Variants in XG observed in about 807,000 individuals in gnomAD.
XG encodes glycoprotein Xg.
A neutral mutation model predicts 25.7 loss-of-function variants in XG; 24 were observed. The ratio of observed to expected loss-of-function variants is 0.93; its 90% CI spans 0.68 to 1.31. XG has a LOEUF of 1.31. Among genes scored for constraint, XG ranks in the 40% most tolerant of loss-of-function variants. The probability of loss-of-function intolerance (pLI) is 0.00; values close to 1 mark genes in which losing one functional copy is unlikely to be tolerated. For missense variants in XG, 181 were observed against 187.6 expected (o/e 0.96, Z 0.21); for synonymous variants, 77 against 69.2 (o/e 1.11, Z -0.56).
intron 8 of XG, 133 bp from the exon 9 acceptor site, chrX:2,808,052 C>G (rs767275651): frequency 1.0e-5 from 7 of 701,548 alleles, no homozygotes; most frequent in Middle Eastern, 3.0e-4. Flanking sequence ...CCCCTCCCCC[C>G]ACAAGAATGT....
chrX:2,757,720 C>G (rs1160118753), intron 1 of XG, among the ~76,000 whole-genome samples: 1 of 151,578 alleles, frequency 6.6e-6, no homozygotes, highest in African/African-American at 2.4e-5. Flanking sequence ...GTTTGTAATC[C>G]CAGCAGTTTG....
chrX:2,783,165 C>A (rs1172816984), intron 4 of XG, among the ~76,000 whole-genome samples: 1 of 111,531 alleles, frequency 9.0e-6, no homozygotes, highest in Admixed American at 9.5e-5. Context: ...TTTCAGTGCT[C>A]CAAATACCTT....
intron 1 of XG, among the ~76,000 whole-genome samples, chrX:2,756,732 G>A (rs2050443754): frequency 6.6e-6 from 1 of 152,162 alleles, no homozygotes; most frequent in African/African-American, 2.4e-5. Context: ...TGCAACAGGG[G>A]TGTGTTTGAT....
intron 1 of XG, among the ~76,000 whole-genome samples, chrX:2,769,022 C>G (rs777884616): frequency 3.9e-5 from 6 of 152,282 alleles, no homozygotes; most frequent in African/African-American, 9.6e-5. Flanking sequence ...ACCCTGGGCT[C>G]AGAGTTCCCC....
chrX:2,783,948 C>T (rs1017160466), intron 4 of XG, among the ~76,000 whole-genome samples: 6 of 111,703 alleles, frequency 5.4e-5, no homozygotes, highest in Non-Finnish European at 9.4e-5. Flanking sequence ...GCACTCCAGC[C>T]GGGGAACAGA....
intron 1 of XG, among the ~76,000 whole-genome samples, chrX:2,753,983 C>A (rs1471254969): frequency 6.6e-6 from 1 of 152,142 alleles, no homozygotes; most frequent in Non-Finnish European, 1.5e-5. Flanking sequence ...TTTGTCCATC[C>A]GTTGGCTGAT....
chrX:2,775,468 C>T (rs2050957569), intron 3 of XG, among the ~76,000 whole-genome samples: 1 of 152,078 alleles, frequency 6.6e-6, no homozygotes, highest in Non-Finnish European at 1.5e-5. Flanking sequence ...CTGCCAGGGG[C>T]TGGAGGGGAA....
chrX:2,782,523 G>T (rs894240149), intron 4 of XG, among the ~76,000 whole-genome samples: 1 of 111,503 alleles, frequency 9.0e-6, no homozygotes, highest in Admixed American at 9.5e-5. Flanking sequence ...GGGTTGTTAA[G>T]GATAAGTTGG....
rs373555878 is a variant in XG at position 2,792,675 on chromosome X, C to T, written c.254-1860C>T. Among the ~76,000 whole-genome samples, 26 of 108,037 alleles carry T rather than the reference C, an allele frequency of 2.4e-4. 1 individual carries two copies. In the South Asian group the frequency reaches 5.4e-3, roughly 22 times the overall value. 93.8% of individuals were successfully genotyped at this position (108,037 alleles called of 115,157 possible). On this transcript the variant is annotated intron_variant, in intron 5 of 10. Transcript: ENST00000644266. ...TTGACCTCTCAAAGTGCTGGGATTACAGATGTGAGCCACTGAGCCCAGCCC... is the reference window on the plus strand; with the variant it reads ...TTGACCTCTCAAAGTGCTGGGATTATAGATGTGAGCCACTGAGCCCAGCCC...
chrX:2,761,465 G>A (rs73630861), intron 1 of XG, among the ~76,000 whole-genome samples: 8,243 of 151,930 alleles, frequency 0.054, 681 homozygotes, highest in African/African-American at 0.19. Context: ...AATGGACTAA[G>A]ACATCTCATA....
In XG at chrX:2,769,099, C is replaced by CGG. The variant is rs771635673; in HGVS notation, c.62-1450_62-1449dup. 1.1e-4 allele frequency among the ~76,000 whole-genome samples: 16 copies of CGG among 152,330 alleles called. No individual in the cohort carries two copies. The South Asian group carries it at 3.3e-3, about 32-fold the overall frequency. ...CTGTCTGGGGATGCGTCTTCTGCTCCGGAGAGGCCCTAATTGCCTCCACAA... is the reference window on the plus strand; with the variant it reads ...CTGTCTGGGGATGCGTCTTCTGCTCCGGGGAGAGGCCCTAATTGCCTCCACAA... On this transcript the variant is annotated intron_variant, in intron 1 of 10. Transcript: ENST00000644266.
chrX:2,760,584 A>AC (rs933934425), intron 1 of XG, among the ~76,000 whole-genome samples: 15 of 150,572 alleles, frequency 1.0e-4, no homozygotes, highest in African/African-American at 3.7e-4. Flanking sequence ...AAATACAAAA[A>AC]AAAAAAAAAA....
intron 1 of XG, among the ~76,000 whole-genome samples, chrX:2,763,623 C>G (rs1195363936): frequency 9.9e-5 from 15 of 152,154 alleles, no homozygotes; most frequent in Non-Finnish European, 2.9e-5. Context: ...AACTTTGAAT[C>G]CACATTAAGC....
At chrX:2,765,456 G>C (rs1242789273) in intron 1 of XG, among the ~76,000 whole-genome samples, 1 of 151,478 alleles carries the variant, frequency 6.6e-6, no homozygotes, top group Non-Finnish European at 1.5e-5. Flanking sequence ...AGGGCACGCA[G>C]ATCAAAGGAC....
chrX:2,794,943 T>C lies in XG; in HGVS notation c.322+340T>C, dbSNP rs1052032619. ...CCAGACACACCTTTATATATCTGCATGCTTATCAATCTTCATTTGTGTGTA... is the reference window on the plus strand; with the variant it reads ...CCAGACACACCTTTATATATCTGCACGCTTATCAATCTTCATTTGTGTGTA... On this transcript the variant is annotated intron_variant, in intron 6 of 10. Transcript: ENST00000644266. Among the ~76,000 whole-genome samples the C allele has an allele frequency of 3.6e-5, 4 of 111,971 alleles. No homozygotes were observed. The East Asian group carries it at 1.1e-3, about 31-fold the overall frequency.
intron 1 of XG, among the ~76,000 whole-genome samples, chrX:2,766,122 C>G (rs1366528099): frequency 1.3e-5 from 2 of 152,056 alleles, no homozygotes; most frequent in Non-Finnish European, 2.9e-5. Context: ...GCCTGTGTGT[C>G]TAGATTCTTC....
At chrX:2,773,518 A>G (rs753242416) in intron 2 of XG, among the ~76,000 whole-genome samples, 3 of 123,604 alleles carry the variant, frequency 2.4e-5, no homozygotes, top group Admixed American at 8.1e-5. Context: ...AAGGAAGGAG[A>G]GAAGGAAGGA....
chrX:2,806,775 G>C, intron 8 of XG, 30 bp downstream of exon 8: 1 of 1,086,036 alleles, frequency 9.2e-7, no homozygotes, highest in African/African-American at 1.8e-5. Flanking sequence ...CAGAATATGT[G>C]AGGCAAAACT....
At chrX:2,771,858 A>G (rs2050826575) in intron 2 of XG, among the ~76,000 whole-genome samples, 1 of 152,330 alleles carries the variant, frequency 6.6e-6, no homozygotes, top group East Asian at 1.9e-4. Context: ...GGCAGATACA[A>G]AATTGTTGTC....
Sources: allele counts gnomAD v4.1 joint callset (sites outside exome capture counted in the v4.1 genomes callset), GRCh38; gene constraint gnomAD v4.1.1; transcripts MANE v1.5; gene names NCBI Gene and HGNC (gene_info 2026-07-23, HGNC 2026-07-21).